The following RHOD variants were observed in gnomAD, a reference collection of about 807,000 sequenced individuals.
RHOD encodes the protein rho-related GTP-binding protein RhoD.
RHOD carries 11 observed loss-of-function variants against 16.7 expected under a neutral mutation model. The ratio of observed to expected loss-of-function variants is 0.66; its 90% CI spans 0.41 to 1.09. The LOEUF (loss-of-function observed/expected upper bound fraction) is 1.09. Among genes scored for constraint, RHOD ranks in the 50% least tolerant of loss-of-function variants. The pLI, the probability that RHOD is intolerant of heterozygous loss-of-function variation, is 0.00. For synonymous variants in RHOD, 124 were observed against 126.3 expected (o/e 0.98, Z 0.12); for missense variants, 271 against 291.7 (o/e 0.93, Z 0.52).
intron 1 of RHOD, among the ~76,000 whole-genome samples, chr11:67,065,169 G>A (rs767187716): frequency 3.3e-5 from 5 of 151,492 alleles, no homozygotes; most frequent in Non-Finnish European, 4.4e-5. Context: ...TCCACCTCCC[G>A]GGTTCAAGCT....
At position 67,071,504 on chromosome 11, in the gene RHOD, G is replaced by A; in HGVS notation, c.535G>A (p.Val179Ile). The change falls in exon 5 of 5, where the codon GTC (valine) becomes ATC (isoleucine). Residue 179 changes from valine (V) to isoleucine (I), a missense_variant. Physicochemically the swap from Val to Ile is conservative, Grantham distance 29 (BLOSUM62 3). Transcript: ENST00000308831. ...LECSARLHDN[V>I]HAVFQEAAEV... is the part of the protein sequence containing the mutation. ...GTGCTCGGCTCGGCTCCATGACAAC[G>A]TCCACGCCGTCTTCCAGGAGGCCGC... 1 of 1,611,436 alleles carries A rather than the reference G, an allele frequency of 6.2e-7. No individual in the cohort carries two copies. Among genetic ancestry groups the A allele is most frequent in the African/African-American group, 1.3e-5 (1 of 75,022 alleles).
intron 4 of RHOD, 54 bp from the exon 5 acceptor site, chr11:67,071,381 G>C: frequency 6.7e-7 from 1 of 1,491,126 alleles, no homozygotes; most frequent in Admixed American, 2.1e-5. Context: ...AAGCGAGAAC[G>C]TGAGGCCTGC....
At chr11:67,071,395 GTGCCCCCTT>G in intron 4 of RHOD, 31 bp from the exon 5 acceptor site, 2 of 1,538,338 alleles carry the variant, frequency 1.3e-6, no homozygotes, top group Non-Finnish European at 1.7e-6. Flanking sequence ...GGCCTGCCCA[GTGCCCCCTT>G]CACCGCAGCC....
intron 2 of RHOD, 99 bp from the exon 3 acceptor site, chr11:67,066,639 C>T: frequency 1.2e-6 from 1 of 845,022 alleles, no homozygotes; most frequent in East Asian, 2.4e-5. Flanking sequence ...GGCCCTGTCC[C>T]CAGAAGCTCC....
intron 3 of RHOD, among the ~76,000 whole-genome samples, chr11:67,068,378 G>A (rs537002307): frequency 6.6e-6 from 1 of 152,300 alleles, no homozygotes; most frequent in East Asian, 1.9e-4. Context: ...CCAGGGAGAG[G>A]AGGAGGAGGG....
intron 3 of RHOD, chr11:67,070,151 G>A (rs1366878599): frequency 1.4e-5 from 7 of 499,066 alleles, no homozygotes; most frequent in Non-Finnish European, 2.7e-5. Context: ...TTCCAGCCAA[G>A]GCCAAGTTAC....
chr11:67,071,496 A>T lies in RHOD; in HGVS notation c.527A>T (p.His176Leu). The change falls in exon 5 of 5, where the codon CAT (histidine) becomes CTT (leucine). Residue 176 changes from histidine (H) to leucine (L), a missense_variant. Coordinates refer to ENST00000308831, the MANE Select transcript of RHOD (RefSeq NM_014578.4). ...VAYLECSARL[H>L]DNVHAVFQEA... ...TACCTCGAGTGCTCGGCTCGGCTCC[A>T]TGACAACGTCCACGCCGTCTTCCAG... The T allele has an allele frequency of 6.2e-7, 1 of 1,611,046 alleles. No individual in the cohort carries two copies. The highest frequency in any genetic ancestry group is 1.1e-5 in the South Asian group (1 of 91,020).
intron 3 of RHOD, 178 bp from the exon 4 acceptor site, chr11:67,070,247 C>T (rs1210103378): frequency 2.8e-6 from 2 of 723,776 alleles, no homozygotes; most frequent in East Asian, 2.8e-5. Flanking sequence ...ATTAATGGGT[C>T]CATACGTGTA....
chr11:67,064,601 T>C (rs899660710), intron 1 of RHOD, among the ~76,000 whole-genome samples: 3 of 151,990 alleles, frequency 2.0e-5, no homozygotes, highest in Non-Finnish European at 4.4e-5. Context: ...AGGTATTGAG[T>C]CTTTGGTGCC....
At chr11:67,066,188 G>A (rs545815456) in intron 2 of RHOD, among the ~76,000 whole-genome samples, 2 of 152,300 alleles carry the variant, frequency 1.3e-5, no homozygotes, top group South Asian at 2.1e-4. Context: ...AGGGCCGCCC[G>A]CTACGTCCTG....
rs942428347 is a variant in RHOD, at chr11:67,056,868, GCCGC to G, written c.-22_-19del. 69 of 1,358,328 alleles carry G rather than the reference GCCGC, an allele frequency of 5.1e-5. No homozygotes were observed. Among genetic ancestry groups the G allele is most frequent in the South Asian group, 2.2e-4 (12 of 55,164 alleles). 84.1% of individuals were successfully genotyped at this position (1,358,328 alleles called of 1,614,324 possible). ...GCGCAGTCTGGGTCTCTGCGCCGCAGCCGCCCGCCCGCCCGCTCAGCGCCCGGCC... is the reference window on the plus strand; with the variant it reads ...GCGCAGTCTGGGTCTCTGCGCCGCAGCCGCCCGCCCGCTCAGCGCCCGGCC... On this transcript the variant is annotated 5_prime_UTR_variant, in exon 1 of 5. Coordinates refer to ENST00000308831, the MANE Select transcript of RHOD (RefSeq NM_014578.4).
intron 1 of RHOD, among the ~76,000 whole-genome samples, chr11:67,064,210 T>A (rs1236711415): frequency 6.9e-6 from 1 of 144,716 alleles, no homozygotes; most frequent in Non-Finnish European, 1.5e-5. Context: ...ATCGAGACCA[T>A]CCTGGCTAAC....
chr11:67,060,169 G>T (rs1368978249), intron 1 of RHOD, among the ~76,000 whole-genome samples: 4 of 152,188 alleles, frequency 2.6e-5, no homozygotes, highest in Non-Finnish European at 4.4e-5. Context: ...GAGCCCCCTG[G>T]GTCCTTCCTG....
At position 67,070,346 on chromosome 11, in the gene RHOD, A is replaced by G. The variant is rs1389887442; in HGVS notation, c.331-79A>G. On this transcript the variant is annotated intron_variant, in intron 3 of 4. Transcript: ENST00000308831. ...CATATCAGAGCTCAGGCTGGGGAGC[A>G]AGAGAGTGGTCCACTGAGAGGGCCA... 2.0e-6 allele frequency: 3 copies of G among 1,464,854 alleles called. No homozygotes were observed. The East Asian group carries it at 6.8e-5, about 33-fold the overall frequency. The allele number at this position is 1,464,854 out of a possible 1,614,324, so 90.7% of individuals were successfully genotyped here.
intron 1 of RHOD, among the ~76,000 whole-genome samples, chr11:67,063,330 A>T (rs1854914762): frequency 6.6e-6 from 1 of 151,900 alleles, no homozygotes; most frequent in South Asian, 2.1e-4. Flanking sequence ...GTCTCTACGA[A>T]AAAAGAAGAA....
At position 67,056,953 on chromosome 11, in the gene RHOD, C is replaced by G. The variant is rs1181511266; in HGVS notation, c.51C>G (p.Ser17=). 1 of 1,494,138 alleles carries G rather than the reference C, an allele frequency of 6.7e-7. No individual in the cohort carries two copies. The highest frequency in any genetic ancestry group is 8.8e-7 in the Non-Finnish European group (1 of 1,130,468). The allele number at this position is 1,494,138 out of a possible 1,614,324, so 92.6% of individuals were successfully genotyped here. Residue 17 remains serine, a synonymous_variant, in exon 1 of 5, where the codon TCC becomes TCG. Coordinates refer to ENST00000308831, the MANE Select transcript of RHOD (RefSeq NM_014578.4). ...AGEEAPPGVR[S]VKVVLVGDGG... ...AGGAGGCGCCACCAGGCGTGCGGTC[C>G]GTCAAGGTGGTCCTGGTGGGCGACG...
chr11:67,069,661 G>C (rs1349150508), intron 3 of RHOD, among the ~76,000 whole-genome samples: 3 of 147,948 alleles, frequency 2.0e-5, no homozygotes, highest in Non-Finnish European at 4.5e-5. Flanking sequence ...AGCCCGGCCT[G>C]GATTGATTGA....
chr11:67,071,477 G>C lies in RHOD; in HGVS notation c.508G>C (p.Glu170Gln), dbSNP rs774134266. Residue 170 changes from glutamate (E) to glutamine (Q), a missense_variant, in exon 5 of 5, where the codon GAG becomes CAG. Coordinates refer to ENST00000308831, the MANE Select transcript of RHOD (RefSeq NM_014578.4). ...ARSVGAVAYL[E>Q]CSARLHDNVH... is the part of the protein sequence containing the mutation. ...GTCCGTGGGCGCGGTGGCCTACCTC[G>C]AGTGCTCGGCTCGGCTCCATGACAA... 10 of 1,606,916 alleles carry C rather than the reference G, an allele frequency of 6.2e-6. No individual in the cohort carries two copies. Among genetic ancestry groups the C allele is most frequent in the African/African-American group, 1.3e-5 (1 of 74,820 alleles).
intron 1 of RHOD, among the ~76,000 whole-genome samples, chr11:67,059,348 T>C (rs74889712): frequency 3.3e-5 from 5 of 152,050 alleles, no homozygotes; most frequent in African/African-American, 1.2e-4. Flanking sequence ...AAGACCAGCC[T>C]GGCCAACATG....
Sources: gnomAD v4.1 joint callset for allele counts (sites outside exome capture counted in the v4.1 genomes callset) on GRCh38, gnomAD v4.1.1 for gene constraint, MANE v1.5 for transcripts, NCBI Gene and HGNC (gene_info 2026-07-23, HGNC 2026-07-21) for gene names.